Variants in JMJD7 observed in about 807,000 individuals in gnomAD.
JMJD7 encodes jumonji domain containing 7.
A neutral mutation model predicts 41.1 loss-of-function variants in JMJD7; 41 were observed. That is an observed-to-expected ratio of 1.00 (90% CI 0.78 to 1.30). JMJD7 has a LOEUF of 1.30. JMJD7 is among the 50% of genes most tolerant of loss of function. The pLI is 0.00. For missense variants in JMJD7, 480 were observed against 420.7 expected (o/e 1.14, Z -1.23); for synonymous variants, 202 against 177.2 (o/e 1.14, Z -1.11).
In JMJD7 at chr15:41,828,139, T is replaced by G. The variant is rs574793552; in HGVS notation, c.15T>G (p.Ala5=). The change falls in exon 1 of 8, where the codon GCT becomes GCG. Residue 5 remains alanine (A), a synonymous_variant. Transcript: ENST00000397299. MAEA[A]LEAVRSELRE... is the part of the protein sequence containing the mutation. ...CTGACGCAGCCATGGCGGAGGCGGCTTTGGAAGCCGTGCGGAGCGAGTTAC... is the reference window on the plus strand; with the variant it reads ...CTGACGCAGCCATGGCGGAGGCGGCGTTGGAAGCCGTGCGGAGCGAGTTAC... 1.4e-5 allele frequency: 21 copies of G among 1,475,764 alleles called. No individual in the cohort carries two copies. The South Asian group carries it at 2.0e-4, about 14-fold the overall frequency. 91.4% of individuals were successfully genotyped at this position (1,475,764 alleles called of 1,614,324 possible).
At chr15:41,836,974 C>T (rs1048749486) in intron 7 of JMJD7, 34 bp downstream of exon 7, 1 of 1,610,014 alleles carries the variant, frequency 6.2e-7, no homozygotes, top group African/African-American at 1.3e-5. Flanking sequence ...GGGGAGAGGC[C>T]CTGTCAAGGT....
intron 1 of JMJD7, among the ~76,000 whole-genome samples, chr15:41,830,318 T>G (rs1380750850): frequency 6.6e-6 from 1 of 152,242 alleles, no homozygotes; most frequent in Non-Finnish European, 1.5e-5. Flanking sequence ...AACTGGCTTC[T>G]TCACTGTTTC....
chr15:41,835,504 C>A, intron 3 of JMJD7, 84 bp from the exon 4 acceptor site: 1 of 1,549,636 alleles, frequency 6.5e-7, no homozygotes, highest in South Asian at 1.2e-5. Context: ...TCTGTGCTCA[C>A]CCAGGTTTTG....
chr15:41,835,666 A>G, intron 4 of JMJD7, 22 bp downstream of exon 4: 1 of 1,609,356 alleles, frequency 6.2e-7, no homozygotes, highest in Non-Finnish European at 8.5e-7. Flanking sequence ...GGGAATACAA[A>G]GGTGGGGAAG....
chr15:41,834,822 C>T lies in JMJD7; in HGVS notation c.147C>T (p.Asn49=), dbSNP rs780933103. The stretch of plus-strand genomic sequence containing the variant: ...TCTACCGGGACTGGGTCTGCCCCAA[C>T]AGGCCGTGCATTATCCGCAACGCTC... ...LHFYRDWVCP[N]RPCIIRNALQ... Residue 49 remains asparagine (N), a synonymous_variant, in exon 2 of 8, where the codon AAC becomes AAT. Transcript: ENST00000397299. The T allele has an allele frequency of 3.7e-6, 6 of 1,614,112 alleles. No individual in the cohort carries two copies. Among genetic ancestry groups the T allele is most frequent in the Admixed American group, 1.7e-5 (1 of 60,014 alleles).
chr15:41,834,657 T>A (rs572281185), intron 1 of JMJD7, 83 bp from the exon 2 acceptor site: 353 of 1,556,366 alleles, frequency 2.3e-4, no homozygotes, highest in Non-Finnish European at 2.7e-4. Context: ...CAGCGCGGCC[T>A]TTCCAGGGAG....
intron 5 of JMJD7, 102 bp from the exon 6 acceptor site, chr15:41,836,373 C>T: frequency 1.3e-6 from 2 of 1,553,738 alleles, no homozygotes; most frequent in South Asian, 2.3e-5. Flanking sequence ...ACCAGGGCCC[C>T]TGATCCCCTT....
chr15:41,830,692 T>G (rs2065217544), intron 1 of JMJD7, among the ~76,000 whole-genome samples: 1 of 152,232 alleles, frequency 6.6e-6, no homozygotes, highest in Admixed American at 6.5e-5. Context: ...GGCCCCTTCC[T>G]GCTGCCGCAG....
rs771233297 is a variant in JMJD7 at position 41,837,049 on chromosome 15, A to G, written c.863-19A>G. The G allele has an allele frequency of 1.9e-5, 31 of 1,610,916 alleles. No individual in the cohort carries two copies. Among genetic ancestry groups the G allele is most frequent in the Non-Finnish European group, 2.6e-5 (31 of 1,177,386 alleles). On this transcript the variant is annotated intron_variant, in intron 7 of 7. Coordinates refer to ENST00000397299, the MANE Select transcript of JMJD7 (RefSeq NM_001114632.2). ...TCAGAAGAGGGATCTTCATGCTCAG[A>G]TCCCCGTTCTTCCCACAGTGAATTT... is the stretch of plus-strand genomic sequence containing the variant.
chr15:41,832,895 T>C (rs1285815714), intron 1 of JMJD7, among the ~76,000 whole-genome samples: 1 of 152,082 alleles, frequency 6.6e-6, no homozygotes, highest in Non-Finnish European at 1.5e-5. Context: ...CCCTGTACAC[T>C]TTATAAAAAC....
intron 1 of JMJD7, among the ~76,000 whole-genome samples, chr15:41,833,698 A>ACATGAGCCACCACGTCTAGCC (rs1320028584): frequency 1.3e-5 from 2 of 152,004 alleles, no homozygotes; most frequent in Non-Finnish European, 2.9e-5. Context: ...GGGATTACAG[A>ACATGAGCCACCACGTCTAGCC]CATGAGCCAC....
Position 41,828,696 on chromosome 15 carries a change from C to T in JMJD7, c.64+508C>T, listed in dbSNP as rs539442324. Among the ~76,000 whole-genome samples, 3 of 152,164 alleles carry T rather than the reference C, an allele frequency of 2.0e-5. No homozygotes were observed. In the South Asian group the frequency reaches 6.2e-4, roughly 32 times the overall value. The stretch of plus-strand genomic sequence containing the variant: ...TCTTACCACTGAACAGCAACACAGG[C>T]TCATGTGTATGTGATGGGTATGTAA... On this transcript the variant is annotated intron_variant, in intron 1 of 7. Transcript: ENST00000397299.
Position 41,834,882 on chromosome 15 carries a change from C to A in JMJD7, c.207C>A (p.Leu69=). Residue 69 remains leucine, a synonymous_variant, in exon 2 of 8, where the codon CTC becomes CTA. Coordinates refer to ENST00000397299, the MANE Select transcript of JMJD7 (RefSeq NM_001114632.2). ...QHWPALQKWS[L]PYFRATVGST... is the part of the protein sequence containing the mutation. The stretch of plus-strand genomic sequence containing the variant: ...GGCCGGCCCTCCAGAAGTGGTCCCT[C>A]CCCTATTTCAGGTGGGAGCTGCCCT... 6.2e-7 allele frequency: 1 copy of A among 1,614,012 alleles called. No homozygotes were observed. Among genetic ancestry groups the A allele is most frequent in the East Asian group, 2.2e-5 (1 of 44,888 alleles).
At chr15:41,831,088 C>T (rs937380902) in intron 1 of JMJD7, among the ~76,000 whole-genome samples, 3 of 152,218 alleles carry the variant, frequency 2.0e-5, no homozygotes, top group Admixed American at 1.3e-4. Context: ...GTGCTTTTTC[C>T]GGCCCACCCA....
rs768175904 is a variant in JMJD7, at chr15:41,836,558, G to A, written c.702+7G>A. The A allele has an allele frequency of 2.5e-6, 4 of 1,569,404 alleles. No individual in the cohort carries two copies. Among genetic ancestry groups the A allele is most frequent in the Non-Finnish European group, 3.5e-6 (4 of 1,157,522 alleles). ...TGAAGAGGCCATGGAGAAGGTGTCT[G>A]TCCTGTTCTTGGGCTCTAGGGAGGG... is the stretch of plus-strand genomic sequence containing the variant. On this transcript the variant is annotated splice_region_variant and intron_variant, in intron 6 of 7. Coordinates refer to ENST00000397299, the MANE Select transcript of JMJD7 (RefSeq NM_001114632.2).
intron 1 of JMJD7, 73 bp downstream of exon 1, chr15:41,828,261 G>A (rs2065168245): frequency 1.4e-6 from 2 of 1,442,510 alleles, no homozygotes; most frequent in African/African-American, 1.5e-5. Context: ...TGACACCGGG[G>A]GCTCGGAACC....
rs141182186 is a variant in JMJD7 at position 41,832,534 on chromosome 15, C to T, written c.65-2206C>T. On this transcript the variant is annotated intron_variant, in intron 1 of 7. Transcript: ENST00000397299. Reference sequence around the variant, plus strand: ...CAAGGTGACTGCTTGGATGGGCTGGCGTGACTGGGAAGGCCTTTGCCACTT... The same window carrying T: ...CAAGGTGACTGCTTGGATGGGCTGGTGTGACTGGGAAGGCCTTTGCCACTT... 1.4e-4 allele frequency: 22 copies of T among 152,538 alleles called. No individual in the cohort carries two copies. In the East Asian group the frequency reaches 3.7e-3, roughly 25 times the overall value. The allele number at this position is 152,538 out of a possible 1,614,324, so 9.4% of individuals were successfully genotyped here. A position where few individuals can be genotyped will look rare whatever the true frequency, so the allele number is the denominator to read the frequency against.
In JMJD7 at chr15:41,835,161, G is replaced by A. The variant is rs1225063058; in HGVS notation, c.410G>A (p.Ser137Asn). 6.2e-7 allele frequency: 1 copy of A among 1,605,374 alleles called. No homozygotes were observed. The highest frequency in any genetic ancestry group is 1.1e-5 in the South Asian group (1 of 91,084). ...YVQKQCSNLP[S>N]ELPQLLPDLE... ...CAGAAGCAGTGCTCCAACCTGCCCA[G>A]CGAGCTGCCCCAGCTGCTGCCTGAT... The change falls in exon 3 of 8, where the codon AGC becomes AAC. Residue 137 changes from serine to asparagine, a missense_variant. By Grantham distance (46) the Ser-to-Asn change is conservative. Transcript: ENST00000397299.
intron 1 of JMJD7, among the ~76,000 whole-genome samples, chr15:41,830,366 G>T (rs944626322): frequency 6.6e-6 from 1 of 152,236 alleles, no homozygotes; most frequent in Non-Finnish European, 1.5e-5. Context: ...GTTTGGGGTG[G>T]TCAGAGCTGC....
Sources: gnomAD v4.1 joint callset for allele counts (sites outside exome capture counted in the v4.1 genomes callset) on GRCh38, gnomAD v4.1.1 for gene constraint, MANE v1.5 for transcripts, NCBI Gene and HGNC (gene_info 2026-07-23, HGNC 2026-07-21) for gene names.